SUGP2: variants seen among roughly 807,000 people sequenced by gnomAD.
The protein encoded by SUGP2 is SURP and G-patch domain containing 2.
SUGP2 carries 24 observed loss-of-function variants against 90.5 expected under a neutral mutation model. The observed-to-expected ratio is 0.27, with a 90% confidence interval of 0.19 to 0.37. SUGP2 has a LOEUF of 0.37. SUGP2 is among the 10% of genes least tolerant of loss of function. The pLI is 1.00. For missense variants in SUGP2, 1,233 were observed against 1,363.3 expected (o/e 0.90, Z 1.51); for synonymous variants, 473 against 513.4 (o/e 0.92, Z 1.06).
Position 18,994,434 on chromosome 19 carries a change from C to T in SUGP2, c.3181G>A (p.Glu1061Lys). 1.2e-6 allele frequency: 2 copies of T among 1,614,220 alleles called. No homozygotes were observed. Among genetic ancestry groups the T allele is most frequent in the Non-Finnish European group, 1.7e-6 (2 of 1,180,038 alleles). Reference protein sequence around the residue: ...GLGADGQEHKEDTFDVFRQRM... With the variant: ...GLGADGQEHKKDTFDVFRQRM... ...TGTCGGAACACATCGAATGTGTCTT[C>T]TTTGTGCTCCTGCCCGTCAGCACCC... Residue 1061 changes from glutamate to lysine, a missense_variant, in exon 10 of 11, where the codon GAA becomes AAA. Physicochemically the swap from Glu to Lys is moderately conservative, Grantham distance 56. This residue lies in a region of SUGP2 where 53 missense variants were observed against 55.3 expected (regional missense o/e 0.96). Coordinates refer to ENST00000452918, the MANE Select transcript of SUGP2 (RefSeq NM_001017392.5).
intron 2 of SUGP2, among the ~76,000 whole-genome samples, chr19:19,030,702 C>T (rs530171806): frequency 6.6e-6 from 1 of 152,270 alleles, no homozygotes; most frequent in South Asian, 2.1e-4. Context: ...GGAAGGATGG[C>T]TTGAGCCTAG....
intron 4 of SUGP2, among the ~76,000 whole-genome samples, chr19:19,017,842 G>A (rs1304633120): frequency 6.6e-6 from 1 of 151,860 alleles, no homozygotes; most frequent in Non-Finnish European, 1.5e-5. Flanking sequence ...TCTAACATGA[G>A]CTTTAACCCA....
In SUGP2 at chr19:19,010,069, G is replaced by C. The variant is rs2058246494; in HGVS notation, c.2124C>G (p.Thr708=). 1.2e-6 allele frequency: 2 copies of C among 1,613,912 alleles called. No homozygotes were observed. The highest frequency in any genetic ancestry group is 1.7e-6 in the Non-Finnish European group (2 of 1,179,984). ...TGTQTLLSSG[T]RLKHHGRQAP... ...CCTGCCGGCCGTGGTGTTTCAGCCT[G>C]GTGCCTGAGGATAGGAGGGTCTGGG... The change falls in exon 5 of 11, where the codon ACC becomes ACG. Residue 708 remains threonine, a synonymous_variant. Transcript: ENST00000452918.
chr19:19,004,751 G>A (rs751006011), intron 6 of SUGP2, 105 bp from the exon 7 acceptor site: 17 of 945,018 alleles, frequency 1.8e-5, no homozygotes, highest in Non-Finnish European at 2.4e-5. Context: ...GTGGGACAAG[G>A]GAAAGAATAA....
intron 9 of SUGP2, 32 bp downstream of exon 9, chr19:18,995,112 C>T (rs1378131033): frequency 6.3e-7 from 1 of 1,584,124 alleles, no homozygotes; most frequent in South Asian, 1.1e-5. Context: ...TGAGGCCCCA[C>T]CCACTCCCAC....
At chr19:19,028,875 C>T (rs1243317031) in intron 2 of SUGP2, among the ~76,000 whole-genome samples, 1 of 151,930 alleles carries the variant, frequency 6.6e-6, no homozygotes, top group African/African-American at 2.4e-5. Flanking sequence ...TTAGTAGACA[C>T]GGGGTTTCAC....
chr19:19,011,728 G>A (rs1015759564), intron 4 of SUGP2, among the ~76,000 whole-genome samples: 1 of 152,106 alleles, frequency 6.6e-6, no homozygotes, highest in Non-Finnish European at 1.5e-5. Context: ...TGGGCGTGGT[G>A]GCTCACGCCT....
At chr19:18,994,269 G>A in intron 10 of SUGP2, 97 bp downstream of exon 10, 1 of 1,495,882 alleles carries the variant, frequency 6.7e-7, no homozygotes, top group Admixed American at 2.0e-5. Flanking sequence ...GGCATTTTTG[G>A]GGGAGCAGGG....
chr19:19,014,636 A>G (rs1301350650), intron 4 of SUGP2, among the ~76,000 whole-genome samples: 1 of 151,668 alleles, frequency 6.6e-6, no homozygotes, highest in African/African-American at 2.4e-5. Flanking sequence ...AAAAAAAGAA[A>G]AAAAAAAAAA....
chr19:19,022,053 C>T (rs760020154), intron 3 of SUGP2, among the ~76,000 whole-genome samples: 8 of 151,540 alleles, frequency 5.3e-5, no homozygotes, highest in South Asian at 2.1e-4. Flanking sequence ...GGCAAGATCT[C>T]GGCTCACTGC....
chr19:19,029,602 C>A (rs547528115), intron 2 of SUGP2, among the ~76,000 whole-genome samples: 2 of 150,472 alleles, frequency 1.3e-5, no homozygotes, highest in South Asian at 4.2e-4. Flanking sequence ...CCACACCTGG[C>A]TAATTTTTTT....
At chr19:19,023,122 C>G (rs1170501280) in intron 3 of SUGP2, among the ~76,000 whole-genome samples, 1 of 152,136 alleles carries the variant, frequency 6.6e-6, no homozygotes, top group Non-Finnish European at 1.5e-5. Flanking sequence ...TGCTAATTAG[C>G]AGGTGTACTT....
chr19:19,028,262 A>G (rs1259644567), intron 2 of SUGP2, among the ~76,000 whole-genome samples: 1 of 152,190 alleles, frequency 6.6e-6, no homozygotes, highest in African/African-American at 2.4e-5. Context: ...AACCACTAAT[A>G]TAAGAGACAC....
At chr19:18,998,727 G>C (rs539312588) in intron 8 of SUGP2, among the ~76,000 whole-genome samples, 138 of 152,178 alleles carry the variant, frequency 9.1e-4, no homozygotes, top group Admixed American at 1.7e-3. Flanking sequence ...AGGCGGTGTG[G>C]GCAGAAGTGT....
rs1488266105 is a variant in SUGP2 at position 18,991,679 on chromosome 19, G to C, written c.*2062C>G. On this transcript the variant is annotated 3_prime_UTR_variant, in exon 11 of 11. Transcript: ENST00000452918. The stretch of plus-strand genomic sequence containing the variant: ...GCTGCAGGTGTGTGCGCCTCGCTCG[G>C]GTCAATGGGCTGAGCCCCGCTTGGA... 1 of 152,312 alleles carries C rather than the reference G, an allele frequency of 6.6e-6. No homozygotes were observed. Among genetic ancestry groups the C allele is most frequent in the Non-Finnish European group, 1.5e-5 (1 of 68,134 alleles). The allele number at this position is 152,312 out of a possible 1,614,324, so 9.4% of individuals were successfully genotyped here.
chr19:19,022,871 G>A (rs892232932), intron 3 of SUGP2, among the ~76,000 whole-genome samples: 1 of 152,172 alleles, frequency 6.6e-6, no homozygotes, highest in African/African-American at 2.4e-5. Context: ...AGGAACAAAT[G>A]AGACTTCGCC....
chr19:19,004,682 G>A (rs1430849152), intron 6 of SUGP2, 36 bp from the exon 7 acceptor site: 8 of 1,485,510 alleles, frequency 5.4e-6, no homozygotes, highest in Non-Finnish European at 7.3e-6. Context: ...GTAACCAGAT[G>A]GAATCTCTCA....
Position 19,025,031 on chromosome 19 carries a change from A to G in SUGP2, c.1317T>C (p.Ser439=), listed in dbSNP as rs773362201. Residue 439 remains serine (S), a synonymous_variant, in exon 3 of 11, where the codon AGT becomes AGC. Coordinates refer to ENST00000452918, the MANE Select transcript of SUGP2 (RefSeq NM_001017392.5). ...TGCAGGCCATAAGCAAAGGTGTGAC[A>G]CTCTTCAGAAGCCGGTCTTGAAGTC... ...IMRLQDRLLK[S]VTPLLMACNA... is the part of the protein sequence containing the mutation. The G allele has an allele frequency of 1.9e-6, 3 of 1,614,098 alleles. No individual in the cohort carries two copies. The highest frequency in any genetic ancestry group is 1.3e-5 in the African/African-American group (1 of 75,004).
chr19:18,994,050 C>T (rs950665209), intron 10 of SUGP2: 4 of 221,638 alleles, frequency 1.8e-5, no homozygotes, highest in Non-Finnish European at 2.7e-5. Flanking sequence ...AAGAGACAGG[C>T]GTGGCCTATT....
Sources: gnomAD v4.1 joint callset for allele counts (sites outside exome capture counted in the v4.1 genomes callset) on GRCh38, gnomAD v4.1.1 for gene constraint, gnomAD v4.1.1 regional missense constraint, MANE v1.5 for transcripts, NCBI Gene and HGNC (gene_info 2026-07-23, HGNC 2026-07-21) for gene names.